CFAP77: variants seen among roughly 807,000 people sequenced by gnomAD.
CFAP77 encodes cilia and flagella associated protein 77, also known as cilia- and flagella-associated protein 77.
CFAP77 carries 25 observed loss-of-function variants against 31.1 expected under a neutral mutation model. The ratio of observed to expected loss-of-function variants is 0.80; its 90% CI spans 0.59 to 1.12. The LOEUF (loss-of-function observed/expected upper bound fraction) is 1.12. Ranked by LOEUF, CFAP77 falls within the 50% of genes most tolerant of loss-of-function variation. The probability of loss-of-function intolerance (pLI) is 0.00; values close to 1 mark genes in which losing one functional copy is unlikely to be tolerated. For synonymous variants in CFAP77, 151 were observed against 159.9 expected (o/e 0.94, Z 0.42); for missense variants, 377 against 397.3 (o/e 0.95, Z 0.44).
chr9:132,520,692 C>T (rs1852249597), intron 3 of CFAP77, among the ~76,000 whole-genome samples: 1 of 152,214 alleles, frequency 6.6e-6, no homozygotes, highest in Admixed American at 6.5e-5. Flanking sequence ...TGTCCCTTCT[C>T]AGTCAGTGCC....
At position 132,496,126 on chromosome 9, in the gene CFAP77, G is replaced by T. The variant is rs544795337; in HGVS notation, c.196-2569G>T. On this transcript the variant is annotated intron_variant, in intron 1 of 5. Coordinates refer to ENST00000393216, the MANE Select transcript of CFAP77 (RefSeq NM_001282957.2). ...AAGAGTGAGGATAAAGATTCATGGG[G>T]TATACAAAAAAATCTCCATACCTTC... is the stretch of plus-strand genomic sequence containing the variant. Among the ~76,000 whole-genome samples the T allele has an allele frequency of 1.1e-3, 173 of 152,168 alleles. 1 individual carries two copies. Among genetic ancestry groups the T allele is most frequent in the African/African-American group, 4.0e-3 (168 of 41,500 alleles).
At chr9:132,534,441 C>A (rs572671136) in intron 3 of CFAP77, among the ~76,000 whole-genome samples, 1 of 151,770 alleles carries the variant, frequency 6.6e-6, no homozygotes, top group Non-Finnish European at 1.5e-5. Flanking sequence ...TGAAACCCCA[C>A]CTCTACTAAA....
At chr9:132,515,580 T>C (rs928304012) in intron 3 of CFAP77, among the ~76,000 whole-genome samples, 2 of 152,236 alleles carry the variant, frequency 1.3e-5, no homozygotes, top group African/African-American at 4.8e-5. Flanking sequence ...CTTCTCGGCC[T>C]GATGGGCGGG....
intron 5 of CFAP77, among the ~76,000 whole-genome samples, chr9:132,557,450 T>G (rs974692994): frequency 2.6e-5 from 4 of 152,202 alleles, no homozygotes; most frequent in African/African-American, 9.6e-5. Context: ...GGATGAGCGC[T>G]GGGCAGCAGG....
At chr9:132,422,444 T>A (rs1400011624) in intron 1 of CFAP77, among the ~76,000 whole-genome samples, 1 of 152,168 alleles carries the variant, frequency 6.6e-6, no homozygotes, top group Non-Finnish European at 1.5e-5. Flanking sequence ...ACGGATGCTA[T>A]GTTTTAGCCC....
At chr9:132,538,081 A>G (rs1165905353) in intron 4 of CFAP77, among the ~76,000 whole-genome samples, 1 of 152,234 alleles carries the variant, frequency 6.6e-6, no homozygotes, top group Non-Finnish European at 1.5e-5. Context: ...ACACAGAAGT[A>G]TGTCCTGTAC....
chr9:132,517,620 C>T lies in CFAP77; in HGVS notation c.524+18020C>T, dbSNP rs770944466. Among the ~76,000 whole-genome samples, 7 of 152,214 alleles carry T rather than the reference C, an allele frequency of 4.6e-5. No homozygotes were observed. Among genetic ancestry groups the T allele is most frequent in the African/African-American group, 1.4e-4 (6 of 41,458 alleles). On this transcript the variant is annotated intron_variant, in intron 3 of 5. Transcript: ENST00000393216. This position sits in a 1 kb window ranked among gnomAD's most constrained non-coding sequence, Gnocchi z 4.7. ...AAGGCTCCTCCAGCTTCCTCTCTTC[C>T]GCCAAGTTCTCCAGCTCCACAAAGT...
chr9:132,494,842 A>AT (rs1324807275), intron 1 of CFAP77, among the ~76,000 whole-genome samples: 1 of 152,132 alleles, frequency 6.6e-6, no homozygotes, highest in Non-Finnish European at 1.5e-5. Context: ...CTATTCAAGT[A>AT]TTTTGCTCAT....
rs368397529 is a variant in CFAP77, at chr9:132,562,070, C to T, written c.733-10318C>T. On this transcript the variant is annotated intron_variant, in intron 5 of 5. Coordinates refer to ENST00000393216, the MANE Select transcript of CFAP77 (RefSeq NM_001282957.2). The stretch of plus-strand genomic sequence containing the variant: ...GGAGGGGCCATCGGGAAGTCACATA[C>T]GTAAGCCAACGTCACCCACCACTGG... 4.3e-4 allele frequency among the ~76,000 whole-genome samples: 65 copies of T among 152,342 alleles called. 1 individual carries two copies. The highest frequency in any genetic ancestry group is 1.7e-3 in the Admixed American group (26 of 15,304).
intron 1 of CFAP77, among the ~76,000 whole-genome samples, chr9:132,478,455 G>A (rs1464254118): frequency 6.6e-6 from 1 of 152,120 alleles, no homozygotes; most frequent in East Asian, 1.9e-4. Context: ...GGCTGTACTC[G>A]CCGAGAACAG....
intron 1 of CFAP77, among the ~76,000 whole-genome samples, chr9:132,411,660 A>G (rs571443756): frequency 4.6e-5 from 7 of 152,316 alleles, no homozygotes; most frequent in African/African-American, 1.4e-4. Flanking sequence ...CAGGCAGGAC[A>G]GGCAGGTGGG....
intron 1 of CFAP77, among the ~76,000 whole-genome samples, chr9:132,482,675 A>G (rs913227497): frequency 4.0e-5 from 6 of 151,628 alleles, no homozygotes; most frequent in Admixed American, 6.6e-5. Context: ...TCCGGTTCCA[A>G]TCCTGCCTGT....
intron 5 of CFAP77, among the ~76,000 whole-genome samples, chr9:132,550,519 CT>C (rs766424349): frequency 0.052 from 5,307 of 102,760 alleles, 28 homozygotes; most frequent in Non-Finnish European, 0.064. Flanking sequence ...TCCCTTGAAG[CT>C]TTTTTTTTTT....
At chr9:132,508,519 G>A (rs1851976675) in intron 3 of CFAP77, among the ~76,000 whole-genome samples, 1 of 152,182 alleles carries the variant, frequency 6.6e-6, no homozygotes, top group Non-Finnish European at 1.5e-5. Context: ...CTAGCTGGAC[G>A]TGAAAAGATG....
intron 1 of CFAP77, among the ~76,000 whole-genome samples, chr9:132,446,478 C>T (rs758994876): frequency 9.9e-5 from 15 of 151,964 alleles, no homozygotes; most frequent in Non-Finnish European, 2.1e-4. Context: ...TGGTGGCTCA[C>T]GCCTGTAATC....
intron 1 of CFAP77, among the ~76,000 whole-genome samples, chr9:132,485,389 C>A (rs1315417268): frequency 6.6e-6 from 1 of 152,210 alleles, no homozygotes; most frequent in East Asian, 1.9e-4. Context: ...CAAGGTCACG[C>A]AGAGTTGAGA....
At chr9:132,514,615 G>A (rs1024413281) in intron 3 of CFAP77, among the ~76,000 whole-genome samples, 5 of 151,996 alleles carry the variant, frequency 3.3e-5, no homozygotes, top group Admixed American at 2.0e-4. Context: ...TGCCTGCACC[G>A]GTGCCGGAAC....
chr9:132,567,459 G>A (rs1256220518), intron 5 of CFAP77, among the ~76,000 whole-genome samples: 2 of 152,180 alleles, frequency 1.3e-5, no homozygotes, highest in East Asian at 3.9e-4. Flanking sequence ...GTTAGACTGA[G>A]CAGCTCCTTA....
chr9:132,418,343 C>A (rs1399978199), intron 1 of CFAP77, among the ~76,000 whole-genome samples: 3 of 152,250 alleles, frequency 2.0e-5, no homozygotes, highest in African/African-American at 2.4e-5. Context: ...AACCCCAAAA[C>A]AAGGAATCCT....
Sources: gnomAD v4.1 joint callset for allele counts (sites outside exome capture counted in the v4.1 genomes callset) on GRCh38, gnomAD v4.1.1 for gene constraint, Gnocchi (gnomAD v3.1) non-coding constraint, MANE v1.5 for transcripts, NCBI Gene and HGNC (gene_info 2026-07-23, HGNC 2026-07-21) for gene names.